RNFT2: variants seen among roughly 807,000 people sequenced by gnomAD.
RNFT2 encodes the protein ring finger protein, transmembrane 2.
A neutral mutation model predicts 53.0 loss-of-function variants in RNFT2; 36 were observed. The observed-to-expected ratio is 0.68, with a 90% CI of 0.52 to 0.90. The LOEUF (loss-of-function observed/expected upper bound fraction) is 0.90. Ranked by LOEUF, RNFT2 falls within the 40% of genes least tolerant of loss-of-function variation. RNFT2 has a pLI of 0.00. For synonymous variants in RNFT2, 260 were observed against 253.2 expected (o/e 1.03, Z -0.26); for missense variants, 514 against 585.6 (o/e 0.88, Z 1.26).
At chr12:116,798,828 C>T (rs895630025) in intron 7 of RNFT2, among the ~76,000 whole-genome samples, 18 of 152,194 alleles carry the variant, frequency 1.2e-4, no homozygotes, top group Middle Eastern at 3.4e-3. Flanking sequence ...TACCTGCCTC[C>T]GCCTCCAAGT....
intron 6 of RNFT2, among the ~76,000 whole-genome samples, chr12:116,769,349 T>C (rs11068175): frequency 0.95 from 144,880 of 152,266 alleles, 68,970 homozygotes; most frequent in African/African-American, 0.97. Context: ...GACTCCGTCT[T>C]AAAGTTAACT....
chr12:116,818,980 A>T (rs183160302), intron 7 of RNFT2, among the ~76,000 whole-genome samples: 17 of 152,336 alleles, frequency 1.1e-4, no homozygotes, highest in Middle Eastern at 3.4e-3. Flanking sequence ...GGGCTCATTC[A>T]CATCATGGAG....
In RNFT2 at chr12:116,852,080, T is replaced by C. The variant is rs904524459; in HGVS notation, c.*2632T>C. On this transcript the variant is annotated 3_prime_UTR_variant, in exon 11 of 11. Transcript: ENST00000257575. ...TCTCCACCTCTGAAATGTTCCCTGCTCTGAAATCTGGCATGAGATGGCACA... is the reference window on the plus strand; with the variant it reads ...TCTCCACCTCTGAAATGTTCCCTGCCCTGAAATCTGGCATGAGATGGCACA... 9.2e-7 allele frequency: 1 copy of C among 1,083,040 alleles called. No individual in the cohort carries two copies. The highest frequency in any genetic ancestry group is 1.6e-5 in the African/African-American group (1 of 62,996). The allele number at this position is 1,083,040 out of a possible 1,614,324, so 67.1% of individuals were successfully genotyped here.
chr12:116,840,848 T>C (rs1176820899), intron 10 of RNFT2, among the ~76,000 whole-genome samples: 1 of 152,144 alleles, frequency 6.6e-6, no homozygotes. Flanking sequence ...TCAGTATTAG[T>C]GTTTAATTCT....
At chr12:116,749,279 T>TCC (rs200360671) in intron 3 of RNFT2, among the ~76,000 whole-genome samples, 4 of 43,160 alleles carry the variant, frequency 9.3e-5, no homozygotes, top group East Asian at 2.0e-3. Context: ...TCTTCCTCTT[T>TCC]CCCCCCCCAC....
intron 3 of RNFT2, among the ~76,000 whole-genome samples, chr12:116,743,213 T>TAAAAAAAAAAACAAAAAA (rs1871706179): frequency 9.4e-5 from 1 of 10,678 alleles, no homozygotes; most frequent in African/African-American, 3.2e-4. Context: ...AGGTAGAATC[T>TAAAAAAAAAAACAAAAAA]AAAAAAAAAA....
At chr12:116,767,744 G>A (rs1030927600) in intron 6 of RNFT2, among the ~76,000 whole-genome samples, 2 of 151,268 alleles carry the variant, frequency 1.3e-5, no homozygotes, top group Non-Finnish European at 2.9e-5. Flanking sequence ...CACGCCCAGC[G>A]AATTTTTGTA....
At position 116,779,309 on chromosome 12, in the gene RNFT2, C is replaced by G; in HGVS notation, c.843C>G (p.Ile281Met). The G allele has an allele frequency of 6.2e-7, 1 of 1,614,000 alleles. No homozygotes were observed. The highest frequency in any genetic ancestry group is 8.5e-7 in the Non-Finnish European group (1 of 1,179,892). ...KYITIALKCLIVALPKIILAV... is the reference protein window; with the variant it reads ...KYITIALKCLMVALPKIILAV... ...TCACCATCGCCCTCAAGTGCCTCAT[C>G]GTGGCCCTGCCCAAGATCATCCTGG... Residue 281 changes from isoleucine (I) to methionine (M), a missense_variant, in exon 7 of 11, where the codon ATC (isoleucine) becomes ATG (methionine). Ile to Met is a conservative substitution (Grantham distance 10, BLOSUM62 1). Coordinates refer to ENST00000257575, the MANE Select transcript of RNFT2 (RefSeq NM_001382266.1).
chr12:116,838,782 T>C (rs1877104442), intron 10 of RNFT2, among the ~76,000 whole-genome samples: 1 of 152,204 alleles, frequency 6.6e-6, no homozygotes, highest in African/African-American at 2.4e-5. Context: ...TCCATTCTTC[T>C]CCTGATACCA....
chr12:116,841,602 G>A (rs1025027614), intron 10 of RNFT2, among the ~76,000 whole-genome samples: 5 of 149,166 alleles, frequency 3.4e-5, no homozygotes, highest in African/African-American at 1.2e-4. Context: ...ACAAAAATTA[G>A]CCTGGCATGG....
chr12:116,838,930 C>T (rs1877112717), intron 10 of RNFT2, among the ~76,000 whole-genome samples: 1 of 152,200 alleles, frequency 6.6e-6, no homozygotes, highest in African/African-American at 2.4e-5. Context: ...TTTAGTCTTG[C>T]TCTGTTGCTG....
Position 116,743,247 on chromosome 12 carries a change from G to GAAAAAAAA in RNFT2, c.83+2153_83+2154insAAAAAAAA. Reference sequence around the variant, plus strand: ...AAAAAAAAAAAAAAAAAAAAAAACCGGTTAAAAAACACTCATGAGCTAGAA... The same window carrying GAAAAAAAA: ...AAAAAAAAAAAAAAAAAAAAAAACCGAAAAAAAAGTTAAAAAACACTCATGAGCTAGAA... On this transcript the variant is annotated intron_variant, in intron 3 of 10. Transcript: ENST00000257575. 4.2e-4 allele frequency among the ~76,000 whole-genome samples: 26 copies of GAAAAAAAA among 61,552 alleles called. 1 individual carries two copies. Among genetic ancestry groups the GAAAAAAAA allele is most frequent in the Admixed American group, 7.7e-4 (3 of 3,914 alleles). The allele number at this position is 61,552 out of a possible 152,430, so 40.4% of individuals were successfully genotyped here.
rs535459512 is a variant in RNFT2, at chr12:116,812,334, C to T, written c.883-21458C>T. Among the ~76,000 whole-genome samples the T allele has an allele frequency of 1.4e-4, 21 of 152,166 alleles. No homozygotes were observed. The South Asian group carries it at 1.9e-3, about 14-fold the overall frequency. ...GACATAAATACACGTTGAGTGACAA[C>T]GCAGAGATGCAGGCAGAGGACGGGG... On this transcript the variant is annotated intron_variant, in intron 7 of 10. Transcript: ENST00000257575.
chr12:116,800,035 A>C (rs1874691994), intron 7 of RNFT2, among the ~76,000 whole-genome samples: 1 of 152,110 alleles, frequency 6.6e-6, no homozygotes, highest in South Asian at 2.1e-4. Flanking sequence ...AGAGCCTGGC[A>C]TCTCTTTTGC....
chr12:116,774,666 C>T (rs1873344275), intron 6 of RNFT2, among the ~76,000 whole-genome samples: 1 of 151,882 alleles, frequency 6.6e-6, no homozygotes, highest in Admixed American at 6.6e-5. Context: ...GTGGTTTTGC[C>T]ATCTTCTGAG....
intron 7 of RNFT2, among the ~76,000 whole-genome samples, chr12:116,789,169 G>T (rs1207132023): frequency 6.7e-6 from 1 of 148,400 alleles, no homozygotes; most frequent in Non-Finnish European, 1.5e-5. Flanking sequence ...GGATAGATGG[G>T]TGGATGGGTA....
At chr12:116,776,253 C>G (rs1873424722) in intron 6 of RNFT2, among the ~76,000 whole-genome samples, 1 of 151,790 alleles carries the variant, frequency 6.6e-6, no homozygotes, top group South Asian at 2.1e-4. Context: ...AGAATAAAAC[C>G]CAGATAGATG....
intron 3 of RNFT2, among the ~76,000 whole-genome samples, chr12:116,743,519 C>T (rs1482642084): frequency 2.6e-5 from 4 of 152,106 alleles, no homozygotes; most frequent in African/African-American, 7.2e-5. Context: ...CTGCCCACCT[C>T]AGCCTCCCAA....
intron 10 of RNFT2, among the ~76,000 whole-genome samples, chr12:116,841,882 A>AAT (rs1555210432): frequency 7.7e-4 from 18 of 23,460 alleles, no homozygotes; most frequent in Non-Finnish European, 9.1e-4. Context: ...TATATATATA[A>AAT]ATATATATAA....
Sources: gnomAD v4.1 joint callset for allele counts (sites outside exome capture counted in the v4.1 genomes callset) on GRCh38, gnomAD v4.1.1 for gene constraint, MANE v1.5 for transcripts, NCBI Gene and HGNC (gene_info 2026-07-23, HGNC 2026-07-21) for gene names.